MPV17L: variants seen among roughly 807,000 people sequenced by gnomAD.
MPV17L encodes MPV17 mitochondrial inner membrane protein like, also known as mpv17-like protein.
A neutral mutation model predicts 25.8 loss-of-function variants in MPV17L; 24 were observed. That is an observed-to-expected ratio of 0.93 (90% CI 0.67 to 1.31). MPV17L has a LOEUF of 1.31. Among genes scored for constraint, MPV17L ranks in the 50% most tolerant of loss-of-function variants. The pLI, the probability that MPV17L is intolerant of heterozygous loss-of-function variation, is 0.00. For synonymous variants in MPV17L, 102 were observed against 115.3 expected (o/e 0.88, Z 0.74); for missense variants, 250 against 265.6 (o/e 0.94, Z 0.41).
chr16:15,406,518 A>G (rs1005111264), intron 2 of MPV17L, among the ~76,000 whole-genome samples: 2 of 152,132 alleles, frequency 1.3e-5, no homozygotes, highest in Non-Finnish European at 2.9e-5. Flanking sequence ...TGAAATGTCT[A>G]TCTAACATAT....
rs1396666792 is a variant in MPV17L at position 15,412,437 on chromosome 16, A to T, written c.*4325A>T. On this transcript the variant is annotated 3_prime_UTR_variant, in exon 4 of 4. Transcript: ENST00000396385. Reference sequence around the variant, plus strand: ...AGAGCAAGACTGTGTCTATAAAAAAAAAAAAAAAGAAAGAAAAGTAAATTA... The same window carrying T: ...AGAGCAAGACTGTGTCTATAAAAAATAAAAAAAAGAAAGAAAAGTAAATTA... 1.3e-5 allele frequency: 2 copies of T among 151,924 alleles called. No individual in the cohort carries two copies. Among genetic ancestry groups the T allele is most frequent in the African/African-American group, 4.8e-5 (2 of 41,398 alleles). 9.4% of individuals were successfully genotyped at this position (151,924 alleles called of 1,614,324 possible). A position where few individuals can be genotyped will look rare whatever the true frequency, so the allele number is the denominator to read the frequency against.
chr16:15,407,888 G>C (rs770118742), intron 3 of MPV17L, 35 bp downstream of exon 3: 1 of 1,613,872 alleles, frequency 6.2e-7, no homozygotes, highest in Non-Finnish European at 8.5e-7. Flanking sequence ...TGAACTCAGG[G>C]CTTTGGTTTC....
In MPV17L at chr16:15,411,377, C is replaced by T. The variant is rs183635743; in HGVS notation, c.*3265C>T. The T allele has an allele frequency of 3.9e-5, 6 of 152,294 alleles. No homozygotes were observed. The highest frequency in any genetic ancestry group is 2.1e-4 in the South Asian group (1 of 4,826). The allele number at this position is 152,294 out of a possible 1,614,324, so 9.4% of individuals were successfully genotyped here. The stretch of plus-strand genomic sequence containing the variant: ...AAAAGTACTTGGGGCTGGGCATGAT[C>T]GCTTATGTCTATAATCCAAGTGCTT... On this transcript the variant is annotated 3_prime_UTR_variant, in exon 4 of 4. Transcript: ENST00000396385.
intron 2 of MPV17L, among the ~76,000 whole-genome samples, chr16:15,404,603 A>G (rs1472649909): frequency 6.6e-6 from 1 of 152,028 alleles, no homozygotes; most frequent in Non-Finnish European, 1.5e-5. Context: ...AGCAGATCAT[A>G]TGAGGTCAGG....
At chr16:15,396,541 G>T (rs536594803) in intron 1 of MPV17L, among the ~76,000 whole-genome samples, 25 of 152,268 alleles carry the variant, frequency 1.6e-4, no homozygotes, top group Admixed American at 1.1e-3. Context: ...GGTAGGCAGG[G>T]CTGCGGAGGT....
chr16:15,397,680 C>T (rs2050599219), intron 1 of MPV17L, among the ~76,000 whole-genome samples: 1 of 152,134 alleles, frequency 6.6e-6, no homozygotes, highest in Non-Finnish European at 1.5e-5. Context: ...CTTTCTAAAC[C>T]AGGTTGAAGT....
intron 2 of MPV17L, among the ~76,000 whole-genome samples, chr16:15,402,355 C>T (rs973275416): frequency 3.9e-5 from 6 of 152,140 alleles, no homozygotes; most frequent in African/African-American, 1.4e-4. Context: ...ACAGAATGTT[C>T]GCAGACTGGC....
chr16:15,409,074 A>G lies in MPV17L; in HGVS notation c.*962A>G, dbSNP rs1263169933. On this transcript the variant is annotated 3_prime_UTR_variant, in exon 4 of 4. Transcript: ENST00000396385. Reference sequence around the variant, plus strand: ...GGGATTACAGGCGTGAGCCACCACAACCGACTTTTTTTTTTTTTTTTTTTT... The same window carrying G: ...GGGATTACAGGCGTGAGCCACCACAGCCGACTTTTTTTTTTTTTTTTTTTT... 1 of 128,956 alleles carries G rather than the reference A, an allele frequency of 7.8e-6. No individual in the cohort carries two copies. Among genetic ancestry groups the G allele is most frequent in the Non-Finnish European group, 1.6e-5 (1 of 61,492 alleles). The allele number at this position is 128,956 out of a possible 1,614,324, so 8.0% of individuals were successfully genotyped here. A position where few individuals can be genotyped will look rare whatever the true frequency, so the allele number is the denominator to read the frequency against.
chr16:15,403,368 CAA>C (rs36042308), intron 2 of MPV17L, among the ~76,000 whole-genome samples: 15 of 73,040 alleles, frequency 2.1e-4, no homozygotes, highest in Admixed American at 3.4e-4. Context: ...GACTCCGTCT[CAA>C]AAAAAAAAAA....
chr16:15,396,232 G>C (rs1290971225), intron 1 of MPV17L, 25 bp downstream of exon 1: 1 of 1,544,904 alleles, frequency 6.5e-7, no homozygotes, highest in Non-Finnish European at 8.7e-7. Context: ...GGGGACCTGG[G>C]GGGTGGGACC....
rs541859105 is a variant in MPV17L, at chr16:15,396,056, G to T, written c.159G>T (p.Thr53=). The T allele has an allele frequency of 6.5e-7, 1 of 1,542,138 alleles. No individual in the cohort carries two copies. Residue 53 remains threonine, a synonymous_variant, in exon 1 of 4, where the codon ACG becomes ACT. Coordinates refer to ENST00000396385, the MANE Select transcript of MPV17L (RefSeq NM_001128423.2). The part of the protein sequence containing the change: ...ANWRQTRRVA[T]LVVTFHANFN... ...GGCGCCAGACGCGGCGCGTGGCCAC[G>T]TTGGTGGTGACCTTCCACGCCAACT...
chr16:15,407,002 C>T (rs980600514), intron 2 of MPV17L, among the ~76,000 whole-genome samples: 1 of 150,362 alleles, frequency 6.7e-6, no homozygotes, highest in African/African-American at 2.5e-5. Flanking sequence ...TGGGAGGCTG[C>T]AGTGGGACTA....
Position 15,395,772 on chromosome 16 carries a change from G to A in MPV17L, c.-126G>A. The A allele has an allele frequency of 1.1e-6, 1 of 895,860 alleles. No homozygotes were observed. Among genetic ancestry groups the A allele is most frequent in the Non-Finnish European group, 1.5e-6 (1 of 649,114 alleles). The allele number at this position is 895,860 out of a possible 1,614,324, so 55.5% of individuals were successfully genotyped here. ...GTCGCTCAATCGCTCCGGAGCTTCTGGAGGGGGCAGATGCAGGTGCCGGCT... is the reference window on the plus strand; with the variant it reads ...GTCGCTCAATCGCTCCGGAGCTTCTAGAGGGGGCAGATGCAGGTGCCGGCT... On this transcript the variant is annotated 5_prime_UTR_variant, in exon 1 of 4. Transcript: ENST00000396385.
At chr16:15,401,087 T>TATATATATATA (rs376853780) in intron 2 of MPV17L, among the ~76,000 whole-genome samples, 32 of 17,826 alleles carry the variant, frequency 1.8e-3, no homozygotes, top group South Asian at 4.8e-3. Context: ...TATATATATA[T>TATATATATATA]TTTTTTTTTT....
At chr16:15,397,403 G>C (rs1352296591) in intron 1 of MPV17L, among the ~76,000 whole-genome samples, 1 of 152,184 alleles carries the variant, frequency 6.6e-6, no homozygotes, top group Non-Finnish European at 1.5e-5. Context: ...TTCCGCCCAG[G>C]GTTGGGGAAG....
At chr16:15,404,117 TAAAA>T in intron 2 of MPV17L, among the ~76,000 whole-genome samples, 1 of 151,730 alleles carries the variant, frequency 6.6e-6, no homozygotes, top group African/African-American at 2.4e-5. Context: ...AATAAAAAAA[TAAAA>T]TAAAATAAAG....
At chr16:15,402,202 A>G (rs1010525709) in intron 2 of MPV17L, among the ~76,000 whole-genome samples, 20 of 152,222 alleles carry the variant, frequency 1.3e-4, no homozygotes, top group Non-Finnish European at 2.6e-4. Flanking sequence ...TATACAGTCC[A>G]GTCCAATACA....
At chr16:15,397,510 G>T (rs1416505297) in intron 1 of MPV17L, among the ~76,000 whole-genome samples, 1 of 152,122 alleles carries the variant, frequency 6.6e-6, no homozygotes, top group African/African-American at 2.4e-5. Flanking sequence ...CACAGGAGGG[G>T]CCCTGTGGCC....
intron 2 of MPV17L, among the ~76,000 whole-genome samples, chr16:15,401,380 C>T (rs2050639669): frequency 6.6e-6 from 1 of 151,944 alleles, no homozygotes; most frequent in Non-Finnish European, 1.5e-5. Context: ...ACATTAAGTA[C>T]ATTTTTATTA....
Sources: allele counts gnomAD v4.1 joint callset (sites outside exome capture counted in the v4.1 genomes callset), GRCh38; gene constraint gnomAD v4.1.1; transcripts MANE v1.5; gene names NCBI Gene and HGNC (gene_info 2026-07-23, HGNC 2026-07-21).